Variants in FRMD4A observed in about 807,000 individuals in gnomAD.
FRMD4A encodes the protein FERM domain containing 4A, also known as FERM domain-containing protein 4A.
In FRMD4A, 29 loss-of-function variants were observed where a neutral mutation model predicts 129.1. The observed-to-expected ratio is 0.22, with a 90% CI of 0.17 to 0.31. The LOEUF (loss-of-function observed/expected upper bound fraction) is 0.31. Ranked by LOEUF, FRMD4A falls within the 10% of genes least tolerant of loss-of-function variation. FRMD4A has a pLI of 1.00. For missense variants in FRMD4A, 1,272 were observed against 1,375.8 expected, an observed-to-expected ratio of 0.92 and a Z score of 1.19; for synonymous variants, 634 against 571.6, an observed-to-expected ratio of 1.11 and a Z score of -1.56.
chr10:13,982,022 G>A (rs1424622701), intron 2 of FRMD4A, among the ~76,000 whole-genome samples: 3 of 152,120 alleles, frequency 2.0e-5, no homozygotes, highest in East Asian at 1.9e-4. Context: ...TGATCCTCCC[G>A]TCTCTGGCCC....
In FRMD4A at chr10:13,810,891, C is replaced by G; in HGVS notation, c.129G>C (p.Lys43Asn). ...GAGAAGCCACAAGGTCAAGAAGCTC[C>G]TTGGCCAACAGCTTGGGCTGCAAGA... ...ELLVQPKLLAKELLDLVASHF... is the reference protein window; with the variant it reads ...ELLVQPKLLANELLDLVASHF... The change falls in exon 4 of 25, where the codon AAG becomes AAC. Residue 43 changes from lysine to asparagine, a missense_variant. Coordinates refer to ENST00000357447, the MANE Select transcript of FRMD4A (RefSeq NM_018027.5). The G allele has an allele frequency of 6.3e-7, 1 of 1,593,512 alleles. No individual in the cohort carries two copies. The highest frequency in any genetic ancestry group is 8.6e-7 in the Non-Finnish European group (1 of 1,162,176).
chr10:13,980,130 T>C (rs527758067), intron 2 of FRMD4A, among the ~76,000 whole-genome samples: 129 of 152,324 alleles, frequency 8.5e-4, no homozygotes, highest in Admixed American at 7.3e-3. Context: ...TGGAAGCCAT[T>C]TTCTAGACTG....
At chr10:14,273,265 A>T (rs531719706) in intron 2 of FRMD4A, among the ~76,000 whole-genome samples, 295 of 152,156 alleles carry the variant, frequency 1.9e-3, no homozygotes, top group Middle Eastern at 6.8e-3. Context: ...TCAGAAAAAA[A>T]ATATATATAT....
chr10:13,962,069 ATG>A (rs2095449207), intron 2 of FRMD4A, among the ~76,000 whole-genome samples: 1 of 151,794 alleles, frequency 6.6e-6, no homozygotes, highest in Admixed American at 6.6e-5. Context: ...GAATGAATGA[ATG>A]AATGAATCTT....
chr10:13,850,623 T>C (rs1184474950), intron 3 of FRMD4A, among the ~76,000 whole-genome samples: 1 of 152,072 alleles, frequency 6.6e-6, no homozygotes, highest in East Asian at 1.9e-4. Flanking sequence ...AGGTTCGAAG[T>C]CTTTGGTTGC....
At chr10:13,818,231 A>G (rs1446378606) in intron 3 of FRMD4A, among the ~76,000 whole-genome samples, 2 of 84,136 alleles carry the variant, frequency 2.4e-5, no homozygotes, top group South Asian at 5.6e-4. Flanking sequence ...GTGGTGCCAT[A>G]ATATCTCACT....
intron 3 of FRMD4A, among the ~76,000 whole-genome samples, chr10:13,855,936 AT>A (rs1282936228): frequency 6.6e-6 from 1 of 152,028 alleles, no homozygotes; most frequent in Non-Finnish European, 1.5e-5. Context: ...GCTAAAGCCC[AT>A]TCTGCAATTA....
chr10:13,815,405 G>A (rs947958369), intron 3 of FRMD4A, among the ~76,000 whole-genome samples: 3 of 152,198 alleles, frequency 2.0e-5, no homozygotes, highest in Admixed American at 2.0e-4. Flanking sequence ...GGTGGTGGCA[G>A]ATGGGGGGTT....
At chr10:13,690,313 G>A (rs1454709302) in intron 15 of FRMD4A, among the ~76,000 whole-genome samples, 2 of 152,220 alleles carry the variant, frequency 1.3e-5, no homozygotes, top group Non-Finnish European at 2.9e-5. Context: ...CCATTGCAAG[G>A]GATGTCGAAT....
At chr10:14,082,467 T>C (rs114521166) in intron 2 of FRMD4A, among the ~76,000 whole-genome samples, 3,168 of 152,160 alleles carry the variant, frequency 0.021, 97 homozygotes, top group African/African-American at 0.07. Context: ...GGATGAGGGG[T>C]AGACATTGAG....
chr10:14,167,244 G>C (rs141718011), intron 2 of FRMD4A, among the ~76,000 whole-genome samples: 376 of 152,138 alleles, frequency 2.5e-3, no homozygotes, highest in African/African-American at 8.3e-3. Flanking sequence ...AAAGACATAA[G>C]AACAGGGCCA....
chr10:13,881,655 C>T (rs1434406186), intron 2 of FRMD4A, among the ~76,000 whole-genome samples: 1 of 151,846 alleles, frequency 6.6e-6, no homozygotes, highest in Non-Finnish European at 1.5e-5. Context: ...GAGCACCTGC[C>T]AAATGCCAGG....
chr10:13,801,890 A>G (rs2093262599), intron 4 of FRMD4A, among the ~76,000 whole-genome samples: 1 of 152,134 alleles, frequency 6.6e-6, no homozygotes, highest in African/African-American at 2.4e-5. Flanking sequence ...AAAGTCATAA[A>G]GAAGCATTTC....
At position 13,805,438 on chromosome 10, in the gene FRMD4A, T is replaced by TA. The variant is rs200944576; in HGVS notation, c.206+5375dup. ...CACTTTTAAAAGGCTTTTTTTTTCT[T>TA]AAAAAAAAACCCCCAAAAAATCAAT... On this transcript the variant is annotated intron_variant, in intron 4 of 24. Coordinates refer to ENST00000357447, the MANE Select transcript of FRMD4A (RefSeq NM_018027.5). 3.6e-3 allele frequency among the ~76,000 whole-genome samples: 550 copies of TA among 151,194 alleles called. 4 individuals are homozygous for TA. The highest frequency in any genetic ancestry group is 0.011 in the African/African-American group (459 of 41,258).
chr10:14,152,898 C>T (rs1190124583), intron 2 of FRMD4A, among the ~76,000 whole-genome samples: 2 of 152,056 alleles, frequency 1.3e-5, no homozygotes, highest in South Asian at 2.1e-4. Flanking sequence ...GAGGGGGAAC[C>T]CAGGCATCCT....
chr10:13,656,911 G>T lies in FRMD4A; in HGVS notation c.2678C>A (p.Thr893Lys). The T allele has an allele frequency of 1.3e-6, 2 of 1,494,704 alleles. No homozygotes were observed. The highest frequency in any genetic ancestry group is 1.3e-5 in the South Asian group (1 of 79,346). The allele number at this position is 1,494,704 out of a possible 1,614,324, so 92.6% of individuals were successfully genotyped here. The change falls in exon 22 of 25, where the codon ACG becomes AAG. Residue 893 changes from threonine to lysine, a missense_variant. Physicochemically the swap from Thr to Lys is moderately conservative, Grantham distance 78. Coordinates refer to ENST00000357447, the MANE Select transcript of FRMD4A (RefSeq NM_018027.5). ...CGATCGCGACGGCGTCAGGCGGCCC[G>T]TGTCGCCCTCGTCGCCGCCGCCGCC... ...WRGGGGDEGD[T>K]GRLTPSRSQI...
At chr10:13,701,256 G>T in intron 14 of FRMD4A, 84 bp downstream of exon 14, 1 of 1,303,708 alleles carries the variant, frequency 7.7e-7, no homozygotes. Context: ...GGGACATGGC[G>T]CCTCCCCCAC....
chr10:13,912,588 G>A (rs2131231072), intron 2 of FRMD4A, among the ~76,000 whole-genome samples: 1 of 147,000 alleles, frequency 6.8e-6, no homozygotes, highest in Middle Eastern at 3.6e-3. Context: ...GAGTGCAGTG[G>A]CGCGATCTCG....
chr10:14,214,988 T>C (rs879150947), intron 2 of FRMD4A, among the ~76,000 whole-genome samples: 1 of 152,218 alleles, frequency 6.6e-6, no homozygotes, highest in South Asian at 2.1e-4. Flanking sequence ...TGCAACTTAT[T>C]ATTGAGGCTG....
Sources: allele counts gnomAD v4.1 joint callset (sites outside exome capture counted in the v4.1 genomes callset), GRCh38; gene constraint gnomAD v4.1.1; transcripts MANE v1.5; gene names NCBI Gene and HGNC (gene_info 2026-07-23, HGNC 2026-07-21).